The following IFT20 variants were observed in gnomAD, a reference collection of about 807,000 sequenced individuals.
IFT20 encodes intraflagellar transport 20, also known as intraflagellar transport protein 20 homolog.
In IFT20, 4 loss-of-function variants were observed where a neutral mutation model predicts 16.9. The ratio of observed to expected loss-of-function variants is 0.24; its 90% CI spans 0.12 to 0.54. The LOEUF is 0.54. Ranked by LOEUF, IFT20 falls within the 20% of genes least tolerant of loss-of-function variation. The pLI is 0.95. For missense variants in IFT20, 154 were observed against 149.7 expected (o/e 1.03, Z -0.15); for synonymous variants, 48 against 49.9 (o/e 0.96, Z 0.16).
chr17:28,332,300 C>T, intron 1 of IFT20: 4 of 1,218,180 alleles, frequency 3.3e-6, no homozygotes, highest in Non-Finnish European at 4.6e-6. Flanking sequence ...TCTTGAGTGC[C>T]TACTACATGC....
chr17:28,329,194 T>C lies in IFT20; in HGVS notation c.296A>G (p.Glu99Gly). The C allele has an allele frequency of 6.2e-7, 1 of 1,613,936 alleles. No homozygotes were observed. The change falls in exon 4 of 5, where the codon GAA (glutamate) becomes GGA (glycine). Residue 99 changes from glutamate (E) to glycine (G), a missense_variant. Transcript: ENST00000395418. Reference sequence around the variant, plus strand: ...TTACCTTTCTAGCTGCATTTTCTTTTCTGCTATTAGGGCTTGAAGTTGCTG... The same window carrying C: ...TTACCTTTCTAGCTGCATTTTCTTTCCTGCTATTAGGGCTTGAAGTTGCTG... ...QQQQLQALIA[E>G]KKMQLERYRV...
At chr17:28,330,235 CAA>C (rs34843464) in intron 3 of IFT20, 39,151 of 494,906 alleles carry the variant, frequency 0.079, no homozygotes, top group East Asian at 0.17. Flanking sequence ...GACTCTGTCT[CAA>C]AAAAAAAAAA....
chr17:28,330,253 A>G (rs1184181640), intron 3 of IFT20, 190 bp downstream of exon 3: 19 of 612,834 alleles, frequency 3.1e-5, no homozygotes, highest in African/African-American at 2.7e-4. Flanking sequence ...AAAAAAAAAT[A>G]AAGATTAAAG....
intron 2 of IFT20, chr17:28,331,590 TAAG>T: frequency 2.3e-6 from 1 of 426,952 alleles, no homozygotes; most frequent in Non-Finnish European, 4.3e-6. Context: ...CCAGAAAGTT[TAAG>T]GTTTCTAAGA....
chr17:28,330,526 T>C lies in IFT20; in HGVS notation c.130A>G (p.Ile44Val), dbSNP rs1054984738. 1.2e-6 allele frequency: 2 copies of C among 1,600,410 alleles called. No individual in the cohort carries two copies. The highest frequency in any genetic ancestry group is 1.7e-5 in the Admixed American group (1 of 59,948). Residue 44 changes from isoleucine (I) to valine (V), a missense_variant and splice_region_variant, in exon 3 of 5, where the codon ATT (isoleucine) becomes GTT (valine). Physicochemically the swap from Ile to Val is conservative, Grantham distance 29. Transcript: ENST00000395418. ...KEECKDFVDK[I>V]GQFQKIVGGL... ...CCAACTATTTTCTGAAACTGGCCAATTTCTTTTAGGAAAAGAACAAAAAAT... is the reference window on the plus strand; with the variant it reads ...CCAACTATTTTCTGAAACTGGCCAACTTCTTTTAGGAAAAGAACAAAAAAT...
rs782717447 is a variant in IFT20 at position 28,329,242 on chromosome 17, G to A, written c.248C>T (p.Ala83Val). Residue 83 changes from alanine to valine, a missense_variant, in exon 4 of 5, where the codon GCA becomes GTA. Coordinates refer to ENST00000395418, the MANE Select transcript of IFT20 (RefSeq NM_001267776.2). ...CTGCTGTTGAGCTTCTCTCTGCTTT[G>A]CTATAGATTTGAGCAAGTTCCGAGC... ...IGARNLLKSI[A>V]KQREAQQQQL... The A allele has an allele frequency of 6.2e-7, 1 of 1,614,046 alleles. No homozygotes were observed. The highest frequency in any genetic ancestry group is 1.7e-5 in the Admixed American group (1 of 60,008).
At position 28,329,206 on chromosome 17, in the gene IFT20, G is replaced by T; in HGVS notation, c.284C>A (p.Ala95Asp). The T allele has an allele frequency of 6.2e-7, 1 of 1,614,010 alleles. No homozygotes were observed. The highest frequency in any genetic ancestry group is 8.5e-7 in the Non-Finnish European group (1 of 1,179,964). The change falls in exon 4 of 5, where the codon GCC (alanine) becomes GAC (aspartate). Residue 95 changes from alanine (A) to aspartate (D), a missense_variant. Physicochemically the swap from Ala to Asp is moderately radical, Grantham distance 126 (BLOSUM62 -2). Transcript: ENST00000395418. ...CTGCATTTTCTTTTCTGCTATTAGG[G>T]CTTGAAGTTGCTGCTGTTGAGCTTC... The part of the protein sequence containing the change: ...QREAQQQQLQ[A>D]LIAEKKMQLE...
intron 2 of IFT20, 118 bp downstream of exon 2, chr17:28,331,741 C>T (rs534993662): frequency 4.2e-5 from 56 of 1,320,152 alleles, no homozygotes; most frequent in Middle Eastern, 2.1e-4. Context: ...AACTCACAGA[C>T]GCCAGATTCA....
chr17:28,328,997 T>G lies in IFT20; in HGVS notation c.317+176A>C, dbSNP rs376076496. The G allele has an allele frequency of 2.5e-4, 154 of 624,578 alleles. 1 individual carries two copies. In the East Asian group the frequency reaches 4.2e-3, roughly 17 times the overall value. 38.7% of individuals were successfully genotyped at this position (624,578 alleles called of 1,614,324 possible). A position where few individuals can be genotyped will look rare whatever the true frequency, so the allele number is the denominator to read the frequency against. On this transcript the variant is annotated intron_variant, in intron 4 of 4. Coordinates refer to ENST00000395418, the MANE Select transcript of IFT20 (RefSeq NM_001267776.2). ...GGTGGTTTGATATTAACAAGTTTTC[T>G]ATTTCCTTCCCATCAAATGTAATTT...
rs116249587 is a variant in IFT20, at chr17:28,334,741, C to T, written c.-3+599G>A. Among the ~76,000 whole-genome samples, 320 of 152,332 alleles carry T rather than the reference C, an allele frequency of 2.1e-3. 1 individual carries two copies. The highest frequency in any genetic ancestry group is 7.3e-3 in the African/African-American group (305 of 41,570). On this transcript the variant is annotated intron_variant, in intron 1 of 4. Coordinates refer to ENST00000395418, the MANE Select transcript of IFT20 (RefSeq NM_001267776.2). ...CAGGAGACTATTGCAGTAACCAAGG[C>T]TGGCAGCCGAACACAAGTGTTCCGA...
At chr17:28,329,098 A>C (rs781879029) in intron 4 of IFT20, 75 bp downstream of exon 4, 5 of 985,914 alleles carry the variant, frequency 5.1e-6, no homozygotes, top group Middle Eastern at 4.2e-4. Flanking sequence ...GAATAAGGAC[A>C]AGAAGTGATC....
intron 2 of IFT20, among the ~76,000 whole-genome samples, chr17:28,330,921 G>A (rs571289868): frequency 3.9e-5 from 6 of 152,298 alleles, no homozygotes; most frequent in East Asian, 3.9e-4. Context: ...CCAGCCAGCC[G>A]CTATGACCTC....
chr17:28,331,470 C>A, intron 2 of IFT20: 1 of 174,748 alleles, frequency 5.7e-6, no homozygotes, highest in South Asian at 1.4e-4. Context: ...CTTCACCTAT[C>A]ACTTCTAACT....
intron 2 of IFT20, 38 bp from the exon 3 acceptor site, chr17:28,330,566 G>T: frequency 7.5e-7 from 1 of 1,332,288 alleles, no homozygotes; most frequent in Non-Finnish European, 1.1e-6. Flanking sequence ...TATTTCCTTA[G>T]TATCATCACT....
In IFT20 at chr17:28,335,353, G is replaced by C. The variant is rs927251211; in HGVS notation, c.-16C>G. On this transcript the variant is annotated 5_prime_UTR_variant, in exon 1 of 5. Transcript: ENST00000395418. Reference sequence around the variant, plus strand: ...AGGTCAGCCTACCTGCCGGCCCCGCGGCGGCAGCGCGCTGCAGCCCAGGCT... The same window carrying C: ...AGGTCAGCCTACCTGCCGGCCCCGCCGCGGCAGCGCGCTGCAGCCCAGGCT... The C allele has an allele frequency of 6.6e-6, 1 of 152,262 alleles. No individual in the cohort carries two copies. Among genetic ancestry groups the C allele is most frequent in the South Asian group, 2.1e-4 (1 of 4,828 alleles). The allele number at this position is 152,262 out of a possible 1,614,324, so 9.4% of individuals were successfully genotyped here.
chr17:28,329,144 A>C (rs367652636), intron 4 of IFT20, 29 bp downstream of exon 4: 7 of 1,482,478 alleles, frequency 4.7e-6, no homozygotes, highest in Non-Finnish European at 6.6e-6. Flanking sequence ...AGCTGTGTAA[A>C]GAACTTGCTT....
At chr17:28,334,225 C>T (rs782242965) in intron 1 of IFT20, among the ~76,000 whole-genome samples, 2 of 152,076 alleles carry the variant, frequency 1.3e-5, no homozygotes, top group African/African-American at 2.4e-5. Flanking sequence ...TCATGGGGGG[C>T]GGACTTGGAG....
chr17:28,333,640 A>G (rs1906935288), intron 1 of IFT20, among the ~76,000 whole-genome samples: 1 of 152,184 alleles, frequency 6.6e-6, no homozygotes, highest in Admixed American at 6.5e-5. Context: ...AGGGCTTTTT[A>G]AAAAGATCTG....
chr17:28,328,881 G>C, intron 4 of IFT20, 148 bp from the exon 5 acceptor site: 1 of 668,664 alleles, frequency 1.5e-6, no homozygotes, highest in South Asian at 2.0e-5. Context: ...GCCCTACCCA[G>C]AGCCACCCAT....
Sources: allele counts gnomAD v4.1 joint callset (sites outside exome capture counted in the v4.1 genomes callset), GRCh38; gene constraint gnomAD v4.1.1; transcripts MANE v1.5; gene names NCBI Gene and HGNC (gene_info 2026-07-23, HGNC 2026-07-21).